Variants in FAM107B observed in about 807,000 individuals in gnomAD.
FAM107B encodes the protein family with sequence similarity 107 member B.
FAM107B carries 21 observed loss-of-function variants against 31.5 expected under a neutral mutation model. The observed-to-expected ratio is 0.67, with a 90% CI of 0.47 to 0.96. The LOEUF (loss-of-function observed/expected upper bound fraction) is 0.96, where lower values mean the gene tolerates loss of function less well. FAM107B is among the 40% of genes least tolerant of loss of function. The pLI is 0.00. For synonymous variants in FAM107B, 157 were observed against 141.5 expected (o/e 1.11, Z -0.78); for missense variants, 452 against 377.1 (o/e 1.20, Z -1.64).
At position 14,558,957 on chromosome 10, in the gene FAM107B, A is replaced by ATT. The variant is rs141340193; in HGVS notation, c.470-28444_470-28443dup. ...TGTGGGTCCAACAAAGAGTAACAGA[A>ATT]TTATACATCCTTCAAAGCCACGCTG... On this transcript the variant is annotated intron_variant, in intron 2 of 4. Coordinates refer to ENST00000181796, the MANE Select transcript of FAM107B (RefSeq NM_031453.4). Among the ~76,000 whole-genome samples, 39 of 152,284 alleles carry ATT rather than the reference A, an allele frequency of 2.6e-4. No individual in the cohort carries two copies. In the East Asian group the frequency reaches 6.0e-3, roughly 23 times the overall value.
intron 1 of FAM107B, among the ~76,000 whole-genome samples, chr10:14,721,678 C>G (rs1588730386): frequency 6.6e-6 from 1 of 152,312 alleles, no homozygotes; most frequent in East Asian, 1.9e-4. Context: ...CCTTCACCCA[C>G]TTTTTGTTGG....
chr10:14,671,820 A>T (rs893167643), intron 1 of FAM107B, among the ~76,000 whole-genome samples: 3 of 151,456 alleles, frequency 2.0e-5, no homozygotes, highest in African/African-American at 7.3e-5. Context: ...GCCTGAAGCA[A>T]GATTAACCCT....
At chr10:14,665,045 T>C (rs554078705) in intron 2 of FAM107B, among the ~76,000 whole-genome samples, 18 of 152,286 alleles carry the variant, frequency 1.2e-4, no homozygotes, top group Non-Finnish European at 2.1e-4. Context: ...TAAGAAATAA[T>C]GAGAAACTGC....
At chr10:14,665,177 T>G (rs1014458542) in intron 2 of FAM107B, among the ~76,000 whole-genome samples, 1 of 152,174 alleles carries the variant, frequency 6.6e-6, no homozygotes, top group African/African-American at 2.4e-5. Flanking sequence ...ACAGATAAAT[T>G]GGGATTCTAA....
chr10:14,569,143 A>G (rs1247347698), intron 2 of FAM107B, among the ~76,000 whole-genome samples: 1 of 152,168 alleles, frequency 6.6e-6, no homozygotes, highest in East Asian at 1.9e-4. Flanking sequence ...CCTCGTTCTG[A>G]TGTTTATTCA....
At chr10:14,616,546 T>C (rs1474469856) in intron 2 of FAM107B, among the ~76,000 whole-genome samples, 1 of 152,208 alleles carries the variant, frequency 6.6e-6, no homozygotes, top group African/African-American at 2.4e-5. Flanking sequence ...TTATTGGCAA[T>C]TTTGTGGCAG....
At chr10:14,628,112 G>GTTTTTTTTTGTTTTTTTTGT (rs58879328) in intron 2 of FAM107B, among the ~76,000 whole-genome samples, 1 of 92,676 alleles carries the variant, frequency 1.1e-5, no homozygotes, top group African/African-American at 3.9e-5. Flanking sequence ...TGTTTTGCTG[G>GTTTTTTTTTGTTTTTTTTGT]TTTTTTTTTT....
intron 2 of FAM107B, among the ~76,000 whole-genome samples, chr10:14,542,289 A>T (rs1848288141): frequency 6.6e-6 from 1 of 150,964 alleles, no homozygotes; most frequent in African/African-American, 2.4e-5. Context: ...AAAAAAAAAA[A>T]GTATTGAATG....
At chr10:14,694,758 T>G (rs997014776) in intron 1 of FAM107B, among the ~76,000 whole-genome samples, 8 of 152,228 alleles carry the variant, frequency 5.3e-5, no homozygotes, top group African/African-American at 1.9e-4. Flanking sequence ...TCCTGATGAC[T>G]AATGACACTG....
intron 2 of FAM107B, among the ~76,000 whole-genome samples, chr10:14,620,482 C>T (rs1162395991): frequency 6.6e-6 from 1 of 152,108 alleles, no homozygotes; most frequent in Non-Finnish European, 1.5e-5. Context: ...AGGCCCTTTG[C>T]TTTCATATAC....
At chr10:14,537,856 A>C (rs1847799664) in intron 2 of FAM107B, among the ~76,000 whole-genome samples, 1 of 149,294 alleles carries the variant, frequency 6.7e-6, no homozygotes, top group Non-Finnish European at 1.5e-5. Flanking sequence ...AAAAAAAATG[A>C]AATGCACCAA....
chr10:14,521,769 T>C lies in FAM107B; in HGVS notation c.804+100A>G, dbSNP rs536741710. 29 of 1,482,476 alleles carry C rather than the reference T, an allele frequency of 2.0e-5. 1 individual carries two copies. The South Asian group carries it at 2.9e-4, about 15-fold the overall frequency. 91.8% of individuals were successfully genotyped at this position (1,482,476 alleles called of 1,614,324 possible). A position where few individuals can be genotyped will look rare whatever the true frequency, so the allele number is the denominator to read the frequency against. On this transcript the variant is annotated intron_variant, in intron 4 of 4. Coordinates refer to ENST00000181796, the MANE Select transcript of FAM107B (RefSeq NM_031453.4). ...TCCAATATTTCTTTCATGGTATAAA[T>C]GTATACACTGGCACGTCTGGTAAAT...
chr10:14,539,751 A>G (rs909110892), intron 2 of FAM107B, among the ~76,000 whole-genome samples: 9 of 152,230 alleles, frequency 5.9e-5, no homozygotes, highest in Non-Finnish European at 1.0e-4. Context: ...ACAGACAACT[A>G]TAACAGCCCC....
At chr10:14,551,028 A>C (rs1196873120) in intron 2 of FAM107B, among the ~76,000 whole-genome samples, 2 of 152,224 alleles carry the variant, frequency 1.3e-5, no homozygotes, top group African/African-American at 2.4e-5. Context: ...TAATTACAGT[A>C]GGATAGTTTT....
chr10:14,639,440 C>G (rs190173272), intron 2 of FAM107B, among the ~76,000 whole-genome samples: 139 of 152,264 alleles, frequency 9.1e-4, no homozygotes, highest in African/African-American at 3.3e-3. Context: ...ATTTGAAAAG[C>G]TGCCTGATTT....
chr10:14,529,365 G>T (rs1056891695), intron 3 of FAM107B, among the ~76,000 whole-genome samples: 3 of 152,138 alleles, frequency 2.0e-5, no homozygotes, highest in Admixed American at 6.5e-5. Flanking sequence ...AGGGAGAAAC[G>T]TATTTACAAA....
intron 2 of FAM107B, among the ~76,000 whole-genome samples, chr10:14,589,298 C>T (rs777116493): frequency 1.4e-4 from 21 of 152,050 alleles, no homozygotes; most frequent in Non-Finnish European, 2.4e-4. Flanking sequence ...ACTATCAGTT[C>T]AAACTTACCT....
chr10:14,640,687 A>C (rs977750682), intron 2 of FAM107B, among the ~76,000 whole-genome samples: 13 of 152,238 alleles, frequency 8.5e-5, no homozygotes, highest in Non-Finnish European at 1.9e-4. Context: ...GAATTTGACA[A>C]CTGGGATGAT....
At chr10:14,576,391 G>A (rs1392849423) in intron 2 of FAM107B, among the ~76,000 whole-genome samples, 4 of 152,168 alleles carry the variant, frequency 2.6e-5, no homozygotes, top group African/African-American at 9.7e-5. Context: ...GCTGGGCGTG[G>A]TGGTGGGCAC....
Sources: gnomAD v4.1 joint callset for allele counts (sites outside exome capture counted in the v4.1 genomes callset) on GRCh38, gnomAD v4.1.1 for gene constraint, MANE v1.5 for transcripts, NCBI Gene and HGNC (gene_info 2026-07-23, HGNC 2026-07-21) for gene names.